LYPD6B: variants seen among roughly 807,000 people sequenced by gnomAD.
LYPD6B encodes ly6/PLAUR domain-containing protein 6B.
A neutral mutation model predicts 22.8 loss-of-function variants in LYPD6B; 17 were observed. That is an observed-to-expected ratio of 0.75 (90% CI 0.51 to 1.12). The LOEUF (loss-of-function observed/expected upper bound fraction) is 1.12, where lower values mean the gene tolerates loss of function less well. LYPD6B is among the 50% of genes most tolerant of loss of function. The pLI, the probability that LYPD6B is intolerant of heterozygous loss-of-function variation, is 0.00. For synonymous variants in LYPD6B, 106 were observed against 91.6 expected, an observed-to-expected ratio of 1.16 and a Z score of -0.90; for missense variants, 221 against 258.3, an observed-to-expected ratio of 0.86 and a Z score of 0.99.
intron 1 of LYPD6B, among the ~76,000 whole-genome samples, chr2:149,043,626 A>C (rs1301270685): frequency 6.6e-6 from 1 of 152,154 alleles, no homozygotes; most frequent in African/African-American, 2.4e-5. Context: ...TTCTCAGAGC[A>C]AAAGTTTTAA....
chr2:149,213,282 A>T (rs893862325), intron 6 of LYPD6B, among the ~76,000 whole-genome samples, 160 bp downstream of exon 6: 1 of 152,224 alleles, frequency 6.6e-6, no homozygotes, highest in African/African-American at 2.4e-5. Context: ...AACAGACTCC[A>T]TACAAAGGTA....
intron 2 of LYPD6B, among the ~76,000 whole-genome samples, chr2:149,158,078 G>A (rs62188321): frequency 0.013 from 1,905 of 152,180 alleles, 20 homozygotes; most frequent in Non-Finnish European, 0.021. Flanking sequence ...AAACCCTTAG[G>A]GAAGAAAAAC....
At chr2:149,174,050 G>A (rs536748495) in intron 3 of LYPD6B, among the ~76,000 whole-genome samples, 1 of 152,248 alleles carries the variant, frequency 6.6e-6, no homozygotes, top group East Asian at 1.9e-4. Flanking sequence ...CCATTTATTT[G>A]TGTCATCTCT....
chr2:149,160,322 C>A (rs755367210), intron 2 of LYPD6B, among the ~76,000 whole-genome samples: 22 of 152,158 alleles, frequency 1.4e-4, no homozygotes, highest in Non-Finnish European at 2.9e-5. Flanking sequence ...GCTGGTAGGG[C>A]TGTCTTCCAA....
chr2:149,157,069 C>T (rs1689750717), intron 2 of LYPD6B, among the ~76,000 whole-genome samples: 1 of 152,054 alleles, frequency 6.6e-6, no homozygotes. Context: ...TACTGATGTC[C>T]TGAGATGGGG....
intron 3 of LYPD6B, among the ~76,000 whole-genome samples, chr2:149,193,090 G>A (rs957767503): frequency 6.6e-6 from 1 of 152,070 alleles, no homozygotes; most frequent in Non-Finnish European, 1.5e-5. Context: ...GGTACAGTGG[G>A]CTCCACATCC....
At chr2:149,210,435 C>T (rs1306396268) in intron 5 of LYPD6B, among the ~76,000 whole-genome samples, 1 of 152,152 alleles carries the variant, frequency 6.6e-6, no homozygotes, top group African/African-American at 2.4e-5. Flanking sequence ...TTACTATAGG[C>T]CAGGCAGGTC....
At chr2:149,049,973 G>A (rs1238979839) in intron 1 of LYPD6B, among the ~76,000 whole-genome samples, 1 of 152,082 alleles carries the variant, frequency 6.6e-6, no homozygotes, top group African/African-American at 2.4e-5. Context: ...GATACAAAGG[G>A]GAAATCTAAT....
At chr2:149,113,796 A>G (rs1050537938) in intron 1 of LYPD6B, among the ~76,000 whole-genome samples, 1 of 152,176 alleles carries the variant, frequency 6.6e-6, no homozygotes, top group African/African-American at 2.4e-5. Context: ...TCTGACTACC[A>G]CAAAAACTGA....
intron 1 of LYPD6B, among the ~76,000 whole-genome samples, chr2:149,128,808 A>C (rs2105678157): frequency 6.6e-6 from 1 of 152,348 alleles, no homozygotes; most frequent in African/African-American, 2.4e-5. Context: ...CAGATGCATA[A>C]GGAATACCAG....
At chr2:149,172,181 G>C (rs144150840) in intron 3 of LYPD6B, among the ~76,000 whole-genome samples, 2 of 152,218 alleles carry the variant, frequency 1.3e-5, no homozygotes, top group East Asian at 1.9e-4. Flanking sequence ...TGAGCAAAAG[G>C]GGGAGAAGCC....
chr2:149,094,942 A>G (rs1685835491), intron 1 of LYPD6B, among the ~76,000 whole-genome samples: 1 of 152,174 alleles, frequency 6.6e-6, no homozygotes, highest in Non-Finnish European at 1.5e-5. Flanking sequence ...GGAATTTTTA[A>G]TGTTTAAGAA....
chr2:149,160,308 A>G (rs564593963), intron 2 of LYPD6B, among the ~76,000 whole-genome samples: 2 of 152,228 alleles, frequency 1.3e-5, no homozygotes, highest in Admixed American at 6.5e-5. Flanking sequence ...TCATTATTTC[A>G]TCAGCTGGTA....
intron 1 of LYPD6B, among the ~76,000 whole-genome samples, chr2:149,059,357 A>G (rs1683961529): frequency 6.6e-6 from 1 of 152,230 alleles, no homozygotes; most frequent in Non-Finnish European, 1.5e-5. Flanking sequence ...ATGTTTAGGA[A>G]GTAGGCCTTC....
intron 1 of LYPD6B, among the ~76,000 whole-genome samples, chr2:149,078,801 G>A (rs114878108): frequency 0.011 from 1,667 of 152,186 alleles, 32 homozygotes; most frequent in African/African-American, 0.038. Flanking sequence ...AAGCCCTGGA[G>A]TTCGAGAGCA....
chr2:149,212,639 C>T (rs907285589), intron 5 of LYPD6B, among the ~76,000 whole-genome samples: 1 of 152,086 alleles, frequency 6.6e-6, no homozygotes, highest in African/African-American at 2.4e-5. Context: ...ATTTCGAGAA[C>T]GTGCTTCAGA....
intron 1 of LYPD6B, among the ~76,000 whole-genome samples, chr2:149,051,839 T>C (rs1203010938): frequency 2.0e-5 from 3 of 151,918 alleles, no homozygotes; most frequent in Non-Finnish European, 4.4e-5. Flanking sequence ...CTAATTTTTG[T>C]ATTATTAGTA....
chr2:149,125,315 T>G (rs1429947765), intron 1 of LYPD6B, among the ~76,000 whole-genome samples: 1 of 152,072 alleles, frequency 6.6e-6, no homozygotes, highest in African/African-American at 2.4e-5. Flanking sequence ...ATAAGTAGAT[T>G]ACTCTCTAGA....
chr2:149,183,733 TCTTA>T (rs1691903692), intron 3 of LYPD6B, among the ~76,000 whole-genome samples: 4 of 152,116 alleles, frequency 2.6e-5, no homozygotes, highest in Non-Finnish European at 5.9e-5. Context: ...ATGGGCCATG[TCTTA>T]CTTAAATTTT....
Sources: gnomAD v4.1 joint callset for allele counts (sites outside exome capture counted in the v4.1 genomes callset) on GRCh38, gnomAD v4.1.1 for gene constraint, MANE v1.5 for transcripts, NCBI Gene and HGNC (gene_info 2026-07-23, HGNC 2026-07-21) for gene names.